The following ITM2B variants were observed in gnomAD, a reference collection of about 807,000 sequenced individuals.
ITM2B encodes the protein ABri/ADan amyloid peptide.
Under a neutral mutation model 27.8 loss-of-function variants are expected in ITM2B, and 11 were observed. The ratio of observed to expected loss-of-function variants is 0.40; its 90% CI spans 0.25 to 0.66. ITM2B has a LOEUF of 0.66. Ranked by LOEUF, ITM2B falls within the 30% of genes least tolerant of loss-of-function variation. The pLI, the probability that ITM2B is intolerant of heterozygous loss-of-function variation, is 0.43. For synonymous variants in ITM2B, 114 were observed against 114.3 expected, an observed-to-expected ratio of 1.00 and a Z score of 0.02; for missense variants, 296 against 328.9, an observed-to-expected ratio of 0.90 and a Z score of 0.77.
chr13:48,250,397 A>G (rs1472473771), intron 1 of ITM2B, among the ~76,000 whole-genome samples: 2 of 152,156 alleles, frequency 1.3e-5, no homozygotes, highest in Non-Finnish European at 2.9e-5. Flanking sequence ...AGGCGGGTGA[A>G]TCACGAGGTC....
At chr13:48,237,194 T>C (rs1951673319) in intron 1 of ITM2B, among the ~76,000 whole-genome samples, 1 of 152,206 alleles carries the variant, frequency 6.6e-6, no homozygotes, top group East Asian at 1.9e-4. Flanking sequence ...GTTGATATAA[T>C]GCTCTCAAGG....
rs113119469 is a variant in ITM2B at position 48,250,677 on chromosome 13, G to A, written c.118-3131G>A. Reference sequence around the variant, plus strand: ...ATCAAATATATGAGTGCCAGCTAATGCCAAGCCTAAGCTTGGCTTGGAGCT... The same window carrying A: ...ATCAAATATATGAGTGCCAGCTAATACCAAGCCTAAGCTTGGCTTGGAGCT... On this transcript the variant is annotated intron_variant, in intron 1 of 5. Coordinates refer to ENST00000647800, the MANE Select transcript of ITM2B (RefSeq NM_021999.5). 5.0e-3 allele frequency among the ~76,000 whole-genome samples: 760 copies of A among 151,906 alleles called. 5 individuals are homozygous for A. The highest frequency in any genetic ancestry group is 6.9e-3 in the Non-Finnish European group (472 of 67,972).
intron 1 of ITM2B, among the ~76,000 whole-genome samples, chr13:48,243,044 T>C (rs1414632720): frequency 2.6e-5 from 4 of 152,236 alleles, no homozygotes; most frequent in Non-Finnish European, 5.9e-5. Flanking sequence ...ATTGACTTAA[T>C]GATAATTAAT....
intron 5 of ITM2B, among the ~76,000 whole-genome samples, chr13:48,259,175 G>A (rs950262897): frequency 3.3e-5 from 5 of 152,200 alleles, no homozygotes; most frequent in African/African-American, 1.2e-4. Context: ...GCCTTGAGAT[G>A]ATGGTACCTC....
chr13:48,241,266 C>T (rs868104091), intron 1 of ITM2B, among the ~76,000 whole-genome samples: 4 of 152,188 alleles, frequency 2.6e-5, no homozygotes, highest in Non-Finnish European at 4.4e-5. Flanking sequence ...GGCTCGAGTG[C>T]AGTGGCATGA....
In ITM2B at chr13:48,264,878, A is replaced by G. The variant is rs1381309037; in HGVS notation, c.*3654A>G. ...TTATCTTACTGAAAAAATTAAGCACAATTTAAGATTTTTTTTGAAATATTT... is the reference window on the plus strand; with the variant it reads ...TTATCTTACTGAAAAAATTAAGCACGATTTAAGATTTTTTTTGAAATATTT... On this transcript the variant is annotated 3_prime_UTR_variant, in exon 6 of 6. Transcript: ENST00000647800. The G allele has an allele frequency of 6.6e-6, 1 of 152,078 alleles. No homozygotes were observed. The highest frequency in any genetic ancestry group is 1.5e-5 in the Non-Finnish European group (1 of 68,006). The allele number at this position is 152,078 out of a possible 1,614,324, so 9.4% of individuals were successfully genotyped here.
At chr13:48,247,695 T>C (rs940267202) in intron 1 of ITM2B, among the ~76,000 whole-genome samples, 1 of 152,184 alleles carries the variant, frequency 6.6e-6, no homozygotes, top group Admixed American at 6.5e-5. Flanking sequence ...GAAAAGAATT[T>C]GTCCTTCATT....
intron 2 of ITM2B, among the ~76,000 whole-genome samples, chr13:48,255,833 G>T (rs570119739): frequency 6.6e-6 from 1 of 152,216 alleles, no homozygotes; most frequent in African/African-American, 2.4e-5. Context: ...ACTAGTTTTG[G>T]AATGTATTCT....
rs1340521978 is a variant in ITM2B, at chr13:48,252,267, C to T, written c.118-1541C>T. 5.3e-5 allele frequency among the ~76,000 whole-genome samples: 8 copies of T among 152,164 alleles called. No individual in the cohort carries two copies. The East Asian group carries it at 1.2e-3, about 22-fold the overall frequency. On this transcript the variant is annotated intron_variant, in intron 1 of 5. Transcript: ENST00000647800. ...AAAACATATAATCTTAGGTTTCATT[C>T]GTAACTGAATTCTTGCTTCAACCAA...
chr13:48,260,068 A>C (rs534553786), intron 5 of ITM2B, among the ~76,000 whole-genome samples: 1 of 151,154 alleles, frequency 6.6e-6, no homozygotes, highest in Non-Finnish European at 1.5e-5. Context: ...CTTATTGTTC[A>C]CCTCCCACTT....
At chr13:48,242,128 A>G (rs1323842367) in intron 1 of ITM2B, among the ~76,000 whole-genome samples, 1 of 152,222 alleles carries the variant, frequency 6.6e-6, no homozygotes, top group Non-Finnish European at 1.5e-5. Flanking sequence ...CTGTTCTAGC[A>G]ATTTCTGGTT....
At chr13:48,247,582 G>GA (rs1951731470) in intron 1 of ITM2B, among the ~76,000 whole-genome samples, 1 of 151,982 alleles carries the variant, frequency 6.6e-6, no homozygotes, top group Non-Finnish European at 1.5e-5. Context: ...GAAATTATAC[G>GA]AAAAAATATA....
At chr13:48,240,409 G>T (rs1269181310) in intron 1 of ITM2B, among the ~76,000 whole-genome samples, 1 of 152,138 alleles carries the variant, frequency 6.6e-6, no homozygotes, top group Non-Finnish European at 1.5e-5. Context: ...GTTTCACCAT[G>T]TTGGCCCGGT....
chr13:48,238,290 G>C (rs1236900462), intron 1 of ITM2B, among the ~76,000 whole-genome samples: 2 of 152,076 alleles, frequency 1.3e-5, no homozygotes, highest in Non-Finnish European at 2.9e-5. Context: ...CATTTTATAA[G>C]TGTTATCAAC....
chr13:48,259,003 G>A, intron 5 of ITM2B, 56 bp downstream of exon 5: 1 of 1,349,366 alleles, frequency 7.4e-7, no homozygotes, highest in Non-Finnish European at 1.0e-6. Context: ...CATTAAACTA[G>A]ATTTAGGTGA....
chr13:48,262,822 G>C lies in ITM2B; in HGVS notation c.*1598G>C, dbSNP rs1233296732. ...TAGGTTCTTTGGAAAACATTTAGGA[G>C]AGTCAATGAGACTTTCAGAATGTGA... On this transcript the variant is annotated 3_prime_UTR_variant, in exon 6 of 6. Transcript: ENST00000647800. 3.3e-5 allele frequency: 5 copies of C among 152,174 alleles called. No homozygotes were observed. The highest frequency in any genetic ancestry group is 1.3e-4 in the Admixed American group (2 of 15,272). 9.4% of individuals were successfully genotyped at this position (152,174 alleles called of 1,614,324 possible).
chr13:48,233,324 C>T lies in ITM2B; in HGVS notation c.-37C>T. The T allele has an allele frequency of 4.3e-6, 6 of 1,384,912 alleles. No individual in the cohort carries two copies. Among genetic ancestry groups the T allele is most frequent in the Non-Finnish European group, 5.9e-6 (6 of 1,014,918 alleles). 85.8% of individuals were successfully genotyped at this position (1,384,912 alleles called of 1,614,324 possible). A position where few individuals can be genotyped will look rare whatever the true frequency, so the allele number is the denominator to read the frequency against. ...GGGAGCCCGCAGCCCGCGCCCCGAG[C>T]CCGCCGCCGCCCTTCGAGGGCGCCC... On this transcript the variant is annotated 5_prime_UTR_variant, in exon 1 of 6. Coordinates refer to ENST00000647800, the MANE Select transcript of ITM2B (RefSeq NM_021999.5).
intron 1 of ITM2B, among the ~76,000 whole-genome samples, chr13:48,233,949 T>C (rs1951652248): frequency 6.6e-6 from 1 of 152,230 alleles, no homozygotes; most frequent in Non-Finnish European, 1.5e-5. Context: ...GCACTTGGAC[T>C]AAGTCCAGCA....
intron 1 of ITM2B, among the ~76,000 whole-genome samples, chr13:48,235,285 T>C (rs1431231194): frequency 6.6e-6 from 1 of 152,238 alleles, no homozygotes; most frequent in Non-Finnish European, 1.5e-5. Flanking sequence ...ATTTAAATTT[T>C]GTGGTCATTG....
Sources: allele counts gnomAD v4.1 joint callset (sites outside exome capture counted in the v4.1 genomes callset), GRCh38; gene constraint gnomAD v4.1.1; transcripts MANE v1.5; gene names NCBI Gene and HGNC (gene_info 2026-07-23, HGNC 2026-07-21).